MCHR2: variants seen among roughly 807,000 people sequenced by gnomAD.
MCHR2 encodes melanin-concentrating hormone receptor 2.
A neutral mutation model predicts 24.8 loss-of-function variants in MCHR2; 15 were observed. That is an observed-to-expected ratio of 0.60 (90% CI 0.40 to 0.93). The LOEUF (loss-of-function observed/expected upper bound fraction) is 0.93. MCHR2 is among the 40% of genes least tolerant of loss of function. The pLI, the probability that MCHR2 is intolerant of heterozygous loss-of-function variation, is 0.00. For synonymous variants in MCHR2, 151 were observed against 147.6 expected, an observed-to-expected ratio of 1.02 and a Z score of -0.17; for missense variants, 386 against 408.7, an observed-to-expected ratio of 0.94 and a Z score of 0.48.
chr6:99,970,627 G>A (rs962960027), intron 1 of MCHR2, among the ~76,000 whole-genome samples: 2 of 152,150 alleles, frequency 1.3e-5, no homozygotes, highest in Non-Finnish European at 2.9e-5. Context: ...TAGACATGAA[G>A]TCCTTGCCCA....
At chr6:99,938,325 G>T (rs1214584150) in intron 4 of MCHR2, among the ~76,000 whole-genome samples, 1 of 151,736 alleles carries the variant, frequency 6.6e-6, no homozygotes, top group East Asian at 1.9e-4. Flanking sequence ...TTTGATATAG[G>T]CATTTATAAC....
chr6:99,956,557 G>A (rs1775065446), intron 1 of MCHR2, among the ~76,000 whole-genome samples: 1 of 152,030 alleles, frequency 6.6e-6, no homozygotes, highest in African/African-American at 2.4e-5. Flanking sequence ...CACTTATGTT[G>A]TTAAATATAT....
chr6:99,941,197 T>C (rs1292240619), intron 4 of MCHR2, among the ~76,000 whole-genome samples: 1 of 150,550 alleles, frequency 6.6e-6, no homozygotes, highest in Admixed American at 6.6e-5. Flanking sequence ...GAGAGGGGTG[T>C]CATGGATGTG....
At position 99,939,781 on chromosome 6, in the gene MCHR2, T is replaced by C. The variant is rs191855135; in HGVS notation, c.587+3168A>G. ...GTAAGACAGATCTGGTGGTGGTAAA[T>C]TCCTTCAACTTCTGCTTGTCTGGAA... On this transcript the variant is annotated intron_variant, in intron 4 of 5. Coordinates refer to ENST00000281806, the MANE Select transcript of MCHR2 (RefSeq NM_001040179.2). 2.0e-4 allele frequency among the ~76,000 whole-genome samples: 30 copies of C among 151,356 alleles called. 1 individual carries two copies. Among genetic ancestry groups the C allele is most frequent in the Admixed American group, 7.3e-4 (11 of 15,160 alleles).
rs987877710 is a variant in MCHR2 at position 99,919,143 on chromosome 6, G to A, written c.*1797C>T. On this transcript the variant is annotated 3_prime_UTR_variant, in exon 6 of 6. Coordinates refer to ENST00000281806, the MANE Select transcript of MCHR2 (RefSeq NM_001040179.2). ...GGCCATGACACAGCTTCTTATTGAC[G>A]TTTTATAGGAGCATCCAGCTGCATA... 2.6e-5 allele frequency among the ~76,000 whole-genome samples: 4 copies of A among 152,222 alleles called. No homozygotes were observed. The highest frequency in any genetic ancestry group is 6.5e-5 in the Admixed American group (1 of 15,282).
Position 99,947,824 on chromosome 6 carries a change from T to C in MCHR2, c.330A>G (p.Thr110=), listed in dbSNP as rs199776774. The part of the protein sequence containing the change: ...VFGGPLCTII[T]SLDTCNQFAC... ...CAAATTGGTTACAAGTATCCAGGGA[T>C]GTGATGATGGTGCAGAGAGGCCCCC... is the stretch of plus-strand genomic sequence containing the variant. Residue 110 remains threonine (T), a synonymous_variant, in exon 3 of 6, where the codon ACA becomes ACG. Transcript: ENST00000281806. 1.2e-6 allele frequency: 2 copies of C among 1,613,842 alleles called. No homozygotes were observed. Among genetic ancestry groups the C allele is most frequent in the Non-Finnish European group, 8.5e-7 (1 of 1,179,798 alleles).
At chr6:99,977,330 A>G (rs1775570340) in intron 1 of MCHR2, among the ~76,000 whole-genome samples, 1 of 152,226 alleles carries the variant, frequency 6.6e-6, no homozygotes, top group Non-Finnish European at 1.5e-5. Context: ...TTAGATTCTT[A>G]GGAAACCTCC....
intron 1 of MCHR2, among the ~76,000 whole-genome samples, chr6:99,979,935 T>C (rs1775631653): frequency 6.6e-6 from 1 of 152,184 alleles, no homozygotes. Context: ...AGAAAAAAAT[T>C]TGTAAATGGC....
At chr6:99,947,197 A>G (rs1200138997) in intron 3 of MCHR2, among the ~76,000 whole-genome samples, 2 of 152,186 alleles carry the variant, frequency 1.3e-5, no homozygotes, top group Non-Finnish European at 1.5e-5. Context: ...ACCAATCACA[A>G]TAATGTTTGT....
At chr6:99,972,740 C>T (rs540891749) in intron 1 of MCHR2, among the ~76,000 whole-genome samples, 1 of 151,772 alleles carries the variant, frequency 6.6e-6, no homozygotes, top group East Asian at 1.9e-4. Context: ...TGAATGTGTC[C>T]CAGAGATTCT....
chr6:99,928,107 GTCTT>G lies in MCHR2; in HGVS notation c.707+6287_707+6290del, dbSNP rs1342046588. Among the ~76,000 whole-genome samples, 13 of 152,292 alleles carry G rather than the reference GTCTT, an allele frequency of 8.5e-5. No homozygotes were observed. The East Asian group carries it at 1.9e-3, about 23-fold the overall frequency. ...CTATTGAGATAATCGTGTGGTTTTT[GTCTT>G]TGGTTCTGTTTATATTGCGGATTAC... On this transcript the variant is annotated intron_variant, in intron 5 of 5. Transcript: ENST00000281806.
intron 5 of MCHR2, among the ~76,000 whole-genome samples, chr6:99,926,688 T>C (rs901699798): frequency 2.0e-5 from 3 of 152,158 alleles, no homozygotes; most frequent in Non-Finnish European, 4.4e-5. Context: ...GGGTTGTTTG[T>C]TTTTTTCTTG....
At chr6:99,945,746 C>T (rs2114525681) in intron 3 of MCHR2, among the ~76,000 whole-genome samples, 1 of 152,218 alleles carries the variant, frequency 6.6e-6, no homozygotes, top group South Asian at 2.1e-4. Context: ...AGGCTCTTCA[C>T]TTGTTTCTTA....
chr6:99,957,930 G>C (rs761288849), intron 1 of MCHR2, among the ~76,000 whole-genome samples: 6 of 151,938 alleles, frequency 3.9e-5, no homozygotes, highest in Non-Finnish European at 8.8e-5. Flanking sequence ...CTGACTTATA[G>C]ATTCAATGCA....
At chr6:99,941,827 G>C (rs1774776471) in intron 4 of MCHR2, among the ~76,000 whole-genome samples, 1 of 149,746 alleles carries the variant, frequency 6.7e-6, no homozygotes, top group African/African-American at 2.4e-5. Flanking sequence ...AACTGAACAA[G>C]ACATGCAAGC....
chr6:99,987,883 GAAAGA>G (rs1177480474), intron 1 of MCHR2, among the ~76,000 whole-genome samples: 1 of 152,132 alleles, frequency 6.6e-6, no homozygotes, highest in African/African-American at 2.4e-5. Flanking sequence ...GGCCAATATT[GAAAGA>G]AAAGAAAAGG....
intron 5 of MCHR2, among the ~76,000 whole-genome samples, chr6:99,922,616 A>G (rs908559014): frequency 6.6e-6 from 1 of 152,150 alleles, no homozygotes; most frequent in Admixed American, 6.5e-5. Context: ...TGGACATCCA[A>G]TTTTACCAGC....
At chr6:99,955,178 T>C (rs1775036228) in intron 2 of MCHR2, among the ~76,000 whole-genome samples, 1 of 152,190 alleles carries the variant, frequency 6.6e-6, no homozygotes, top group African/African-American at 2.4e-5. Flanking sequence ...AAAACTTACA[T>C]GTGAAAATAA....
rs888517586 is a variant in MCHR2 at position 99,919,775 on chromosome 6, T to G, written c.*1165A>C. 3.3e-5 allele frequency: 5 copies of G among 150,698 alleles called. No homozygotes were observed. The highest frequency in any genetic ancestry group is 9.7e-5 in the African/African-American group (4 of 41,092). The allele number at this position is 150,698 out of a possible 1,614,324, so 9.3% of individuals were successfully genotyped here. The stretch of plus-strand genomic sequence containing the variant: ...TGACGTCTCACTCTATTGCCCAAGC[T>G]GGAGTGCAGTGGCGTGATCTCGGCT... On this transcript the variant is annotated 3_prime_UTR_variant, in exon 6 of 6. Transcript: ENST00000281806.
Sources: gnomAD v4.1 joint callset for allele counts (sites outside exome capture counted in the v4.1 genomes callset) on GRCh38, gnomAD v4.1.1 for gene constraint, MANE v1.5 for transcripts, NCBI Gene and HGNC (gene_info 2026-07-23, HGNC 2026-07-21) for gene names.